Variants in THEMIS observed in about 807,000 individuals in gnomAD.
THEMIS encodes the protein thymocyte selection associated, also known as protein THEMIS.
A neutral mutation model predicts 52.6 loss-of-function variants in THEMIS; 37 were observed. The ratio of observed to expected loss-of-function variants is 0.70; its 90% CI spans 0.54 to 0.93. THEMIS has a LOEUF of 0.93. THEMIS is among the 40% of genes least tolerant of loss of function. The pLI, the probability that THEMIS is intolerant of heterozygous loss-of-function variation, is 0.00. For synonymous variants in THEMIS, 292 were observed against 272.7 expected (o/e 1.07, Z -0.70); for missense variants, 808 against 763.1 (o/e 1.06, Z -0.69).
intron 4 of THEMIS, among the ~76,000 whole-genome samples, chr6:127,735,131 G>C (rs1429497649): frequency 9.9e-5 from 15 of 151,646 alleles, no homozygotes. Context: ...ACTTGATTCT[G>C]TACTACTCTG....
intron 4 of THEMIS, among the ~76,000 whole-genome samples, chr6:127,731,957 C>T (rs141062392): frequency 0.014 from 1,982 of 144,844 alleles, 45 homozygotes; most frequent in African/African-American, 0.047. Context: ...CCGCTCACCT[C>T]GGCCTCCCAA....
intron 1 of THEMIS, among the ~76,000 whole-genome samples, chr6:127,895,328 GAAAAA>G (rs1333877593): frequency 6.6e-6 from 1 of 151,438 alleles, no homozygotes; most frequent in Middle Eastern, 3.5e-3. Context: ...AAAAAGGTAA[GAAAAA>G]ACATTTGTGG....
intron 1 of THEMIS, among the ~76,000 whole-genome samples, chr6:127,899,607 A>G (rs1562329278): frequency 1.3e-5 from 2 of 151,878 alleles, no homozygotes; most frequent in Non-Finnish European, 2.9e-5. Context: ...CTCCAAATAG[A>G]CTAAAAACTA....
intron 3 of THEMIS, 81 bp downstream of exon 3, chr6:127,829,395 A>G (rs1175891404): frequency 4.3e-6 from 5 of 1,160,956 alleles, no homozygotes; most frequent in Non-Finnish European, 4.9e-6. Flanking sequence ...ACAGACTCCC[A>G]TTCTTCAGGC....
At chr6:127,889,428 T>C (rs1780738518) in intron 1 of THEMIS, among the ~76,000 whole-genome samples, 1 of 152,108 alleles carries the variant, frequency 6.6e-6, no homozygotes, top group Non-Finnish European at 1.5e-5. Context: ...ATCTATGGCA[T>C]ATGTCATACA....
chr6:127,833,456 A>G (rs1330239603), intron 2 of THEMIS, among the ~76,000 whole-genome samples: 1 of 152,196 alleles, frequency 6.6e-6, no homozygotes, highest in Non-Finnish European at 1.5e-5. Flanking sequence ...TACAATTTTT[A>G]CAACTGGTAG....
At chr6:127,729,073 C>T (rs1774653194) in intron 4 of THEMIS, among the ~76,000 whole-genome samples, 1 of 151,506 alleles carries the variant, frequency 6.6e-6, no homozygotes, top group Admixed American at 6.6e-5. Flanking sequence ...TGCATATTAA[C>T]AACTTTCTCA....
At chr6:127,917,384 G>A (rs573898252) in intron 1 of THEMIS, among the ~76,000 whole-genome samples, 1 of 152,290 alleles carries the variant, frequency 6.6e-6, no homozygotes, top group Admixed American at 6.5e-5. Flanking sequence ...AGAAATGTGG[G>A]GAATTTATTG....
chr6:127,850,089 C>G (rs1779368368), intron 2 of THEMIS, among the ~76,000 whole-genome samples: 1 of 151,724 alleles, frequency 6.6e-6, no homozygotes, highest in African/African-American at 2.4e-5. Context: ...ACATGAACAG[C>G]TATTTCTCAA....
chr6:127,716,709 A>G (rs756693735), intron 5 of THEMIS, among the ~76,000 whole-genome samples: 4 of 151,938 alleles, frequency 2.6e-5, no homozygotes, highest in African/African-American at 4.8e-5. Flanking sequence ...GGATGCAACA[A>G]ATAGTTCAAT....
chr6:127,758,771 T>TGAAA (rs1005628651), intron 4 of THEMIS, among the ~76,000 whole-genome samples: 38 of 152,112 alleles, frequency 2.5e-4, no homozygotes, highest in African/African-American at 8.2e-4. Flanking sequence ...GGTAATCACA[T>TGAAA]GAAAGAAAGA....
At chr6:127,868,663 G>A (rs1287111552) in intron 1 of THEMIS, among the ~76,000 whole-genome samples, 6 of 152,120 alleles carry the variant, frequency 3.9e-5, no homozygotes, top group Non-Finnish European at 7.4e-5. Flanking sequence ...TTCATATTGT[G>A]TATAGATGTA....
At chr6:127,899,962 CT>C (rs1427446121) in intron 1 of THEMIS, among the ~76,000 whole-genome samples, 1 of 148,646 alleles carries the variant, frequency 6.7e-6, no homozygotes, top group African/African-American at 2.5e-5. Flanking sequence ...GTTAATCTTT[CT>C]TTTACTTTGC....
chr6:127,827,190 T>A (rs1482445896), intron 3 of THEMIS, among the ~76,000 whole-genome samples: 1 of 152,142 alleles, frequency 6.6e-6, no homozygotes, highest in Non-Finnish European at 1.5e-5. Flanking sequence ...TAAGAAAGAA[T>A]CATGTAAAAC....
chr6:127,833,811 A>G (rs1246029462), intron 2 of THEMIS, among the ~76,000 whole-genome samples: 1 of 152,200 alleles, frequency 6.6e-6, no homozygotes, highest in Non-Finnish European at 1.5e-5. Context: ...TTTGTAGAAT[A>G]TACCAACCTA....
At position 127,813,636 on chromosome 6, in the gene THEMIS, G is replaced by T; in HGVS notation, c.1005C>A (p.Pro335=). 6.2e-7 allele frequency: 1 copy of T among 1,614,090 alleles called. No homozygotes were observed. ...GCTTGAACTTGCCTTTATAGCTAGT[G>T]GGGATCAAGAAGTGTCTTTTAGGAA... ...SNFPKRHFLI[P]TSYKGKFKRR... is the part of the protein sequence containing the mutation. Residue 335 remains proline (P), a synonymous_variant, in exon 4 of 6, where the codon CCC becomes CCA. Coordinates refer to ENST00000368248, the MANE Select transcript of THEMIS (RefSeq NM_001010923.3).
rs572981499 is a variant in THEMIS, at chr6:127,843,653, C to T, written c.250+11377G>A. Reference sequence around the variant, plus strand: ...CAAGATGGTGCCCAGTTATTTCTCCCTCCTGGTAGTCACACCCTTGTTCAG... The same window carrying T: ...CAAGATGGTGCCCAGTTATTTCTCCTTCCTGGTAGTCACACCCTTGTTCAG... On this transcript the variant is annotated intron_variant, in intron 2 of 5. Transcript: ENST00000368248. Among the ~76,000 whole-genome samples, 11 of 151,900 alleles carry T rather than the reference C, an allele frequency of 7.2e-5. 1 individual carries two copies. Among genetic ancestry groups the T allele is most frequent in the Middle Eastern group, 6.3e-3 (2 of 316 alleles).
intron 3 of THEMIS, among the ~76,000 whole-genome samples, chr6:127,828,207 C>T (rs1472669506): frequency 6.6e-5 from 10 of 152,010 alleles, no homozygotes; most frequent in Non-Finnish European, 1.2e-4. Flanking sequence ...TGTAACTATG[C>T]GATAGGCAGG....
At chr6:127,720,260 T>G (rs1331820203) in intron 4 of THEMIS, among the ~76,000 whole-genome samples, 1 of 151,946 alleles carries the variant, frequency 6.6e-6, no homozygotes, top group Non-Finnish European at 1.5e-5. Context: ...AATCATAACA[T>G]CTACTATAAA....
Sources: allele counts gnomAD v4.1 joint callset (sites outside exome capture counted in the v4.1 genomes callset), GRCh38; gene constraint gnomAD v4.1.1; transcripts MANE v1.5; gene names NCBI Gene and HGNC (gene_info 2026-07-23, HGNC 2026-07-21).